SNTG1: variants seen among roughly 807,000 people sequenced by gnomAD.
The protein encoded by SNTG1 is syntrophin gamma 1.
In SNTG1, 39 loss-of-function variants were observed where a neutral mutation model predicts 74.7. The observed-to-expected ratio is 0.52, with a 90% CI of 0.40 to 0.68. The LOEUF is 0.68. Among genes scored for constraint, SNTG1 ranks in the 30% least tolerant of loss-of-function variants. The pLI is 0.00. For synonymous variants in SNTG1, 254 were observed against 217.1 expected (o/e 1.17, Z -1.49); for missense variants, 685 against 609.5 (o/e 1.12, Z -1.30).
chr8:50,249,823 C>G (rs528167342), intron 2 of SNTG1, among the ~76,000 whole-genome samples: 291 of 152,106 alleles, frequency 1.9e-3, no homozygotes, highest in Non-Finnish European at 3.3e-3. Context: ...CAGGAAAAAG[C>G]TTTTTCCTAT....
chr8:50,415,892 G>C (rs1458360416), intron 4 of SNTG1, among the ~76,000 whole-genome samples: 1 of 152,106 alleles, frequency 6.6e-6, no homozygotes, highest in Non-Finnish European at 1.5e-5. Context: ...TAAATGGATT[G>C]CTGTTAATGT....
chr8:50,306,314 G>C (rs955612768), intron 2 of SNTG1, among the ~76,000 whole-genome samples: 1 of 151,894 alleles, frequency 6.6e-6, no homozygotes, highest in Non-Finnish European at 1.5e-5. Flanking sequence ...CACTGGGGTT[G>C]GTTCTATATC....
chr8:50,679,475 A>T, intron 15 of SNTG1, among the ~76,000 whole-genome samples: 1 of 152,174 alleles, frequency 6.6e-6, no homozygotes. Flanking sequence ...ATTATCAATA[A>T]GTCTGTTTAA....
chr8:49,917,448 T>C (rs1806147225), intron 1 of SNTG1, among the ~76,000 whole-genome samples: 2 of 152,156 alleles, frequency 1.3e-5, no homozygotes, highest in African/African-American at 2.4e-5. Context: ...TGACAAAAAC[T>C]TGGGCAAGGA....
At chr8:50,409,048 C>T (rs1185303340) in intron 4 of SNTG1, among the ~76,000 whole-genome samples, 2 of 152,058 alleles carry the variant, frequency 1.3e-5, no homozygotes, top group East Asian at 3.9e-4. Flanking sequence ...TAACAATAAC[C>T]CCTATCAAAT....
chr8:50,151,865 G>A (rs184144158), intron 1 of SNTG1, among the ~76,000 whole-genome samples: 1 of 152,300 alleles, frequency 6.6e-6, no homozygotes, highest in Admixed American at 6.5e-5. Flanking sequence ...GCGATGCAGT[G>A]CTGAGAAGAA....
intron 4 of SNTG1, among the ~76,000 whole-genome samples, chr8:50,423,399 T>C (rs911934935): frequency 2.6e-5 from 4 of 152,254 alleles, no homozygotes; most frequent in East Asian, 1.9e-4. Context: ...TTCTGAATTC[T>C]GCATTTAAGT....
intron 15 of SNTG1, among the ~76,000 whole-genome samples, chr8:50,687,059 C>T (rs1196793885): frequency 3.3e-5 from 5 of 150,562 alleles, no homozygotes; most frequent in South Asian, 4.2e-4. Flanking sequence ...GGCGTGAACC[C>T]GGGAAGCGGA....
At chr8:50,755,761 T>C (rs907731562) in intron 18 of SNTG1, among the ~76,000 whole-genome samples, 1 of 151,894 alleles carries the variant, frequency 6.6e-6, no homozygotes, top group Non-Finnish European at 1.5e-5. Flanking sequence ...ATCTCACCAG[T>C]AACTGTTGTT....
intron 2 of SNTG1, among the ~76,000 whole-genome samples, chr8:50,248,601 T>G (rs890761037): frequency 6.6e-6 from 1 of 152,206 alleles, no homozygotes; most frequent in Non-Finnish European, 1.5e-5. Flanking sequence ...GCCTCTCTGG[T>G]CTTTGTAACA....
At chr8:50,541,852 T>G (rs1365719928) in intron 11 of SNTG1, among the ~76,000 whole-genome samples, 1 of 151,852 alleles carries the variant, frequency 6.6e-6, no homozygotes, top group East Asian at 1.9e-4. Context: ...TAATGAACAA[T>G]TTACTAGCTG....
intron 15 of SNTG1, among the ~76,000 whole-genome samples, chr8:50,689,580 G>T (rs1374145251): frequency 6.7e-6 from 1 of 149,672 alleles, no homozygotes; most frequent in Non-Finnish European, 1.5e-5. Context: ...AACCAGCCTT[G>T]CATCCCGGGG....
At chr8:50,569,640 A>G (rs1409591221) in intron 12 of SNTG1, among the ~76,000 whole-genome samples, 1 of 151,902 alleles carries the variant, frequency 6.6e-6, no homozygotes, top group Non-Finnish European at 1.5e-5. Context: ...AAAGACTAAC[A>G]GAAGGAAGAT....
At chr8:50,711,582 A>G (rs1188138995) in intron 17 of SNTG1, among the ~76,000 whole-genome samples, 4 of 152,142 alleles carry the variant, frequency 2.6e-5, no homozygotes, top group East Asian at 3.9e-4. Flanking sequence ...AGTCGGCATG[A>G]TTTTAGATTA....
intron 2 of SNTG1, among the ~76,000 whole-genome samples, chr8:50,193,211 T>C (rs2083640899): frequency 6.6e-6 from 1 of 150,776 alleles, no homozygotes; most frequent in Non-Finnish European, 1.5e-5. Flanking sequence ...TTGATGGGGA[T>C]TGCATTCAAT....
intron 8 of SNTG1, among the ~76,000 whole-genome samples, chr8:50,488,656 G>A (rs978396359): frequency 1.3e-5 from 2 of 152,100 alleles, no homozygotes; most frequent in African/African-American, 4.8e-5. Flanking sequence ...TTGAAAATGA[G>A]CACTAGGCAA....
chr8:50,491,886 G>GCAC (rs2093858528), intron 8 of SNTG1, among the ~76,000 whole-genome samples: 4 of 137,068 alleles, frequency 2.9e-5, no homozygotes, highest in Non-Finnish European at 4.5e-5. Context: ...TAGCTCCCCC[G>GCAC]CCCCCCTACC....
intron 5 of SNTG1, among the ~76,000 whole-genome samples, chr8:50,442,673 C>T (rs1446919184): frequency 1.1e-3 from 79 of 75,170 alleles, no homozygotes; most frequent in African/African-American, 3.9e-3. Flanking sequence ...ATTAATTTGT[C>T]TATCAGTAAA....
chr8:50,347,505 G>A (rs1427914843), intron 2 of SNTG1, among the ~76,000 whole-genome samples: 1 of 152,170 alleles, frequency 6.6e-6, no homozygotes, highest in East Asian at 1.9e-4. Flanking sequence ...TGCTAACACA[G>A]TATCTATTCC....
Sources: gnomAD v4.1 joint callset for allele counts (sites outside exome capture counted in the v4.1 genomes callset) on GRCh38, gnomAD v4.1.1 for gene constraint, MANE v1.5 for transcripts, NCBI Gene and HGNC (gene_info 2026-07-23, HGNC 2026-07-21) for gene names.